The following SNTG1 variants were observed in gnomAD, a reference collection of about 807,000 sequenced individuals.
SNTG1 encodes syntrophin gamma 1.
Under a neutral mutation model 74.7 loss-of-function variants are expected in SNTG1, and 39 were observed. The ratio of observed to expected loss-of-function variants is 0.52; its 90% confidence interval spans 0.40 to 0.68. The LOEUF (loss-of-function observed/expected upper bound fraction) is 0.68, where lower values mean the gene tolerates loss of function less well. SNTG1 is among the 30% of genes least tolerant of loss of function. The pLI is 0.00. For synonymous variants in SNTG1, 254 were observed against 217.1 expected, an observed-to-expected ratio of 1.17 and a Z score of -1.49; for missense variants, 685 against 609.5, an observed-to-expected ratio of 1.12 and a Z score of -1.30.
chr8:49,933,606 G>A (rs1318268104), intron 1 of SNTG1, among the ~76,000 whole-genome samples: 3 of 152,134 alleles, frequency 2.0e-5, no homozygotes, highest in Non-Finnish European at 4.4e-5. Flanking sequence ...TTAAGAAGCT[G>A]TTCTTTTCTC....
chr8:50,697,788 A>G (rs1231996344), intron 15 of SNTG1, among the ~76,000 whole-genome samples: 1 of 152,158 alleles, frequency 6.6e-6, no homozygotes, highest in African/African-American at 2.4e-5. Flanking sequence ...TGTAAAATCA[A>G]GTTGGTCATG....
At chr8:50,023,157 A>G (rs1816971118) in intron 1 of SNTG1, among the ~76,000 whole-genome samples, 1 of 152,154 alleles carries the variant, frequency 6.6e-6, no homozygotes. Flanking sequence ...TTTGTTTGAT[A>G]TCCATCGACA....
intron 2 of SNTG1, among the ~76,000 whole-genome samples, chr8:50,386,101 C>A (rs966541454): frequency 6.6e-6 from 1 of 152,164 alleles, no homozygotes; most frequent in Non-Finnish European, 1.5e-5. Context: ...CAACAGCTCT[C>A]ACTCCACATG....
intron 1 of SNTG1, among the ~76,000 whole-genome samples, chr8:50,115,105 T>C (rs767585479): frequency 1.3e-5 from 2 of 152,112 alleles, no homozygotes; most frequent in Non-Finnish European, 2.9e-5. Context: ...TGAATTTAAT[T>C]GGAAATATAT....
intron 16 of SNTG1, among the ~76,000 whole-genome samples, chr8:50,705,250 A>G (rs1317891692): frequency 6.6e-6 from 1 of 152,184 alleles, no homozygotes; most frequent in Non-Finnish European, 1.5e-5. Context: ...AATGCTTGCC[A>G]ATACTCCTTC....
At chr8:50,216,226 A>G (rs1421973610) in intron 2 of SNTG1, among the ~76,000 whole-genome samples, 2 of 152,144 alleles carry the variant, frequency 1.3e-5, no homozygotes, top group African/African-American at 4.8e-5. Flanking sequence ...TTTGTAAATG[A>G]CCTTTTTACA....
intron 1 of SNTG1, among the ~76,000 whole-genome samples, chr8:50,055,648 GT>G (rs1819960583): frequency 6.6e-6 from 1 of 152,040 alleles, no homozygotes; most frequent in Non-Finnish European, 1.5e-5. Flanking sequence ...AATGTTGTCT[GT>G]AAAGCATGCC....
chr8:50,530,291 A>G, intron 10 of SNTG1, 32 bp downstream of exon 10: 1 of 1,597,766 alleles, frequency 6.3e-7, no homozygotes, highest in Non-Finnish European at 8.6e-7. Flanking sequence ...TCAGATTAAT[A>G]AGGAGATAAC....
intron 2 of SNTG1, among the ~76,000 whole-genome samples, chr8:50,353,029 G>C (rs1358131433): frequency 2.0e-5 from 3 of 152,054 alleles, no homozygotes; most frequent in South Asian, 2.1e-4. Flanking sequence ...TGATAGACTG[G>C]ATTAAGAAAA....
At chr8:50,493,651 A>G (rs2093877983) in intron 8 of SNTG1, among the ~76,000 whole-genome samples, 1 of 151,890 alleles carries the variant, frequency 6.6e-6, no homozygotes, top group Non-Finnish European at 1.5e-5. Context: ...AGAGTTTAAG[A>G]TTTAAGATAC....
chr8:50,454,324 A>G (rs929251194), intron 8 of SNTG1, among the ~76,000 whole-genome samples: 3 of 151,174 alleles, frequency 2.0e-5, no homozygotes, highest in African/African-American at 4.9e-5. Flanking sequence ...GTGAAATCCC[A>G]TCTCTACTAA....
chr8:50,356,802 C>T (rs1587291065), intron 2 of SNTG1, among the ~76,000 whole-genome samples: 1 of 152,236 alleles, frequency 6.6e-6, no homozygotes, highest in Non-Finnish European at 1.5e-5. Context: ...CCCATTCAAA[C>T]CATAGCATTT....
chr8:50,280,830 C>G (rs1280928938), intron 2 of SNTG1, among the ~76,000 whole-genome samples: 2 of 151,792 alleles, frequency 1.3e-5, no homozygotes, highest in Non-Finnish European at 2.9e-5. Context: ...TTAACAGGTG[C>G]TAGACTCTTG....
chr8:49,939,256 G>A (rs560865442), intron 1 of SNTG1, among the ~76,000 whole-genome samples: 7 of 152,196 alleles, frequency 4.6e-5, no homozygotes, highest in African/African-American at 1.7e-4. Flanking sequence ...TTCATATGTT[G>A]GCAACTAAAT....
intron 8 of SNTG1, among the ~76,000 whole-genome samples, chr8:50,463,380 T>G (rs2131697100): frequency 6.6e-6 from 1 of 152,312 alleles, no homozygotes; most frequent in East Asian, 1.9e-4. Context: ...GCTATCACCT[T>G]ACGAAATGTA....
At chr8:50,066,437 A>G (rs72639868) in intron 1 of SNTG1, among the ~76,000 whole-genome samples, 2,788 of 152,280 alleles carry the variant, frequency 0.018, 52 homozygotes, top group Admixed American at 0.051. Context: ...TTATTTTTGT[A>G]GTGAGAACTG....
At chr8:50,262,631 G>C (rs1281325062) in intron 2 of SNTG1, among the ~76,000 whole-genome samples, 1 of 151,964 alleles carries the variant, frequency 6.6e-6, no homozygotes, top group African/African-American at 2.4e-5. Context: ...GGATGGTCTC[G>C]ATCTCCTGAC....
chr8:50,092,332 C>T (rs780748584), intron 1 of SNTG1, among the ~76,000 whole-genome samples: 3 of 152,144 alleles, frequency 2.0e-5, no homozygotes, highest in African/African-American at 7.2e-5. Context: ...TTTTTGAGAG[C>T]CACTGAGGCA....
chr8:50,660,399 GAGA>G (rs2095214521), intron 15 of SNTG1, among the ~76,000 whole-genome samples: 17 of 28,144 alleles, frequency 6.0e-4, no homozygotes, highest in Non-Finnish European at 9.3e-4. Context: ...GGAAGAAAAA[GAGA>G]AAGAAAGAAA....
Sources: gnomAD v4.1 joint callset for allele counts (sites outside exome capture counted in the v4.1 genomes callset) on GRCh38, gnomAD v4.1.1 for gene constraint, MANE v1.5 for transcripts, NCBI Gene and HGNC (gene_info 2026-07-23, HGNC 2026-07-21) for gene names.